Variants in PPP1R37 observed in about 807,000 individuals in gnomAD.
PPP1R37 encodes leucine rich repeat containing 68.
PPP1R37 carries 21 observed loss-of-function variants against 61.0 expected under a neutral mutation model. That is an observed-to-expected ratio of 0.34 (90% CI 0.24 to 0.50). The LOEUF (loss-of-function observed/expected upper bound fraction) is 0.50. Ranked by LOEUF, PPP1R37 falls within the 20% of genes least tolerant of loss-of-function variation. The probability of loss-of-function intolerance (pLI) is 0.98; values close to 1 mark genes in which losing one functional copy is unlikely to be tolerated. For missense variants in PPP1R37, 910 were observed against 952.7 expected, an observed-to-expected ratio of 0.96 and a Z score of 0.59; for synonymous variants, 443 against 433.5, an observed-to-expected ratio of 1.02 and a Z score of -0.27.
intron 1 of PPP1R37, among the ~76,000 whole-genome samples, chr19:45,131,835 T>G (rs1372241668): frequency 6.6e-6 from 1 of 152,204 alleles, no homozygotes; most frequent in Non-Finnish European, 1.5e-5. Flanking sequence ...TCTCCATTTG[T>G]GTCTCCTGCT....
intron 1 of PPP1R37, among the ~76,000 whole-genome samples, chr19:45,098,386 G>A (rs962800135): frequency 9.2e-5 from 14 of 152,238 alleles, no homozygotes; most frequent in Non-Finnish European, 1.9e-4. Context: ...GGGTTGGAAA[G>A]ATAGGCATGT....
chr19:45,093,936 TG>T (rs1162868940), intron 1 of PPP1R37, among the ~76,000 whole-genome samples: 2 of 152,076 alleles, frequency 1.3e-5, no homozygotes, highest in Non-Finnish European at 2.9e-5. Context: ...GATGGGTCTA[TG>T]GGGGTAAAAA....
chr19:45,135,892 C>G (rs913063629), intron 1 of PPP1R37: 1 of 150,858 alleles, frequency 6.6e-6, no homozygotes, highest in African/African-American at 2.5e-5. Context: ...AAGTGATTCT[C>G]CTGCCTCAGC....
chr19:45,108,391 G>A lies in PPP1R37; in HGVS notation c.202+14864G>A, dbSNP rs144452016. 9.6e-3 allele frequency among the ~76,000 whole-genome samples: 1,439 copies of A among 150,394 alleles called. 19 individuals are homozygous for A. Among genetic ancestry groups the A allele is most frequent in the Non-Finnish European group, 0.012 (839 of 67,502 alleles). ...CGCCCGGCTAATTTTCGTATTTTTA[G>A]TAGAGACGGGGTTTCACTGTTGGCC... On this transcript the variant is annotated intron_variant, in intron 1 of 12. Coordinates refer to ENST00000221462, the MANE Select transcript of PPP1R37 (RefSeq NM_019121.2).
Position 45,141,384 on chromosome 19 carries a change from C to A in PPP1R37, c.510C>A (p.Ser170=). ...YYESATHLNI[S]FNKHIGTRGW... ...AGTCGGCCACCCACCTCAACATCTC[C>A]TTCAACAAGCACATCGGCACCCGGG... The change falls in exon 5 of 13, where the codon TCC becomes TCA. Residue 170 remains serine, a synonymous_variant. Transcript: ENST00000221462. 1 of 1,536,094 alleles carries A rather than the reference C, an allele frequency of 6.5e-7. No individual in the cohort carries two copies.
Position 45,124,207 on chromosome 19 carries a change from G to A in PPP1R37, c.203-14307G>A, listed in dbSNP as rs564903295. 2.0e-5 allele frequency among the ~76,000 whole-genome samples: 3 copies of A among 152,304 alleles called. No homozygotes were observed. The South Asian group carries it at 6.2e-4, about 32-fold the overall frequency. On this transcript the variant is annotated intron_variant, in intron 1 of 12. Transcript: ENST00000221462. Reference sequence around the variant, plus strand: ...GGGCCTGACCTACCGTGGGGATCAGGGAGGGCTTCCTGGAGAAGGCATCCC... The same window carrying A: ...GGGCCTGACCTACCGTGGGGATCAGAGAGGGCTTCCTGGAGAAGGCATCCC...
At chr19:45,120,334 A>G (rs1207767256) in intron 1 of PPP1R37, among the ~76,000 whole-genome samples, 1 of 152,088 alleles carries the variant, frequency 6.6e-6, no homozygotes, top group Non-Finnish European at 1.5e-5. Context: ...CTTCTTGCAT[A>G]AAGGGTAGCA....
At chr19:45,094,436 T>G (rs942281376) in intron 1 of PPP1R37, among the ~76,000 whole-genome samples, 2 of 152,116 alleles carry the variant, frequency 1.3e-5, no homozygotes, top group African/African-American at 4.8e-5. Context: ...TGAGAAAGAA[T>G]TGGGGGATGG....
chr19:45,093,965 C>CT (rs973661858), intron 1 of PPP1R37, among the ~76,000 whole-genome samples: 3 of 152,066 alleles, frequency 2.0e-5, no homozygotes, highest in Non-Finnish European at 1.5e-5. Context: ...AGTTGCTGGT[C>CT]TGCAAGCCTT....
In PPP1R37 at chr19:45,141,454, C is replaced by T. The variant is rs753152162; in HGVS notation, c.567+13C>T. 46 of 1,532,252 alleles carry T rather than the reference C, an allele frequency of 3.0e-5. No homozygotes were observed. In the Middle Eastern group the frequency reaches 5.0e-4, roughly 17 times the overall value. The allele number at this position is 1,532,252 out of a possible 1,614,324, so 94.9% of individuals were successfully genotyped here. On this transcript the variant is annotated intron_variant, in intron 5 of 12. Coordinates refer to ENST00000221462, the MANE Select transcript of PPP1R37 (RefSeq NM_019121.2). Reference sequence around the variant, plus strand: ...CATGATGCGCAAGGTGGGCGCCTCTCGGCTTCCAGGAAGAGGCAGCTCAGG... The same window carrying T: ...CATGATGCGCAAGGTGGGCGCCTCTTGGCTTCCAGGAAGAGGCAGCTCAGG...
intron 1 of PPP1R37, among the ~76,000 whole-genome samples, chr19:45,128,240 T>G (rs1420998633): frequency 6.6e-6 from 1 of 152,182 alleles, no homozygotes; most frequent in African/African-American, 2.4e-5. Context: ...CTGATGGAGC[T>G]TAGCTAATGA....
At chr19:45,104,090 C>T (rs79587415) in intron 1 of PPP1R37, among the ~76,000 whole-genome samples, 23,418 of 152,076 alleles carry the variant, frequency 0.15, 1,990 homozygotes, top group African/African-American at 0.18. Context: ...GACGCAGGCG[C>T]CTTTGCCCAG....
intron 1 of PPP1R37, chr19:45,108,589 G>A (rs144059246): frequency 2.5e-4 from 38 of 150,988 alleles, no homozygotes; most frequent in African/African-American, 8.8e-4. Context: ...TTTAGCGAGC[G>A]TTCTTTTGAC....
chr19:45,138,765 G>C (rs1285785819), intron 2 of PPP1R37, among the ~76,000 whole-genome samples, 154 bp downstream of exon 2: 2 of 152,110 alleles, frequency 1.3e-5, no homozygotes, highest in Non-Finnish European at 2.9e-5. Context: ...GAATGAATCA[G>C]TTTCTTCATA....
rs1350443140 is a variant in PPP1R37 at position 45,145,007 on chromosome 19, G to A, written c.1129+12G>A. On this transcript the variant is annotated intron_variant, in intron 9 of 12. Coordinates refer to ENST00000221462, the MANE Select transcript of PPP1R37 (RefSeq NM_019121.2). Reference sequence around the variant, plus strand: ...GCTCACGTGCGAGGGTAGGGTACGGGGCCGGGCCAGGGTGCGGGCTGGTGG... The same window carrying A: ...GCTCACGTGCGAGGGTAGGGTACGGAGCCGGGCCAGGGTGCGGGCTGGTGG... 13 of 1,531,564 alleles carry A rather than the reference G, an allele frequency of 8.5e-6. No homozygotes were observed. Among genetic ancestry groups the A allele is most frequent in the Admixed American group, 2.0e-5 (1 of 50,662 alleles). The allele number at this position is 1,531,564 out of a possible 1,614,324, so 94.9% of individuals were successfully genotyped here.
chr19:45,143,257 GC>G, intron 7 of PPP1R37: 1 of 396,200 alleles, frequency 2.5e-6, no homozygotes, highest in Non-Finnish European at 4.7e-6. Flanking sequence ...GAGTGAGCTG[GC>G]TGTGAGGTGA....
chr19:45,112,968 C>T (rs1365347595), intron 1 of PPP1R37, among the ~76,000 whole-genome samples: 4 of 152,220 alleles, frequency 2.6e-5, no homozygotes, highest in Non-Finnish European at 5.9e-5. Flanking sequence ...CTCATACTTT[C>T]CCTAATGCCT....
In PPP1R37 at chr19:45,144,930, A is replaced by G; in HGVS notation, c.1064A>G (p.Asn355Ser). 2.0e-6 allele frequency: 3 copies of G among 1,535,620 alleles called. No individual in the cohort carries two copies. Among genetic ancestry groups the G allele is most frequent in the Non-Finnish European group, 2.6e-6 (3 of 1,146,678 alleles). ...IGNEGVRHLKNGLISNRSVLR... is the reference protein window; with the variant it reads ...IGNEGVRHLKSGLISNRSVLR... Reference sequence around the variant, plus strand: ...AACGAGGGTGTGCGGCACCTCAAGAACGGGCTCATCAGCAACCGCAGCGTG... The same window carrying G: ...AACGAGGGTGTGCGGCACCTCAAGAGCGGGCTCATCAGCAACCGCAGCGTG... The change falls in exon 9 of 13, where the codon AAC becomes AGC. Residue 355 changes from asparagine to serine, a missense_variant. Asn to Ser is a conservative substitution (Grantham distance 46). This residue lies in a region of PPP1R37 where 549 missense variants were observed against 505.1 expected (regional missense o/e 1.09). Coordinates refer to ENST00000221462, the MANE Select transcript of PPP1R37 (RefSeq NM_019121.2).
chr19:45,098,847 G>A (rs1240475608), intron 1 of PPP1R37, among the ~76,000 whole-genome samples: 3 of 152,078 alleles, frequency 2.0e-5, no homozygotes, highest in Non-Finnish European at 4.4e-5. Context: ...GAACAGGGTC[G>A]AGGCGGGTGC....
Sources: gnomAD v4.1 joint callset for allele counts (sites outside exome capture counted in the v4.1 genomes callset) on GRCh38, gnomAD v4.1.1 for gene constraint, gnomAD v4.1.1 regional missense constraint, MANE v1.5 for transcripts, NCBI Gene and HGNC (gene_info 2026-07-23, HGNC 2026-07-21) for gene names.